KIFC1: variants seen among roughly 807,000 people sequenced by gnomAD.
KIFC1 encodes kinesin family member C1.
In KIFC1, 37 loss-of-function variants were observed where a neutral mutation model predicts 66.6. The ratio of observed to expected loss-of-function variants is 0.56; its 90% CI spans 0.43 to 0.73. The LOEUF (loss-of-function observed/expected upper bound fraction) is 0.73, where lower values mean the gene tolerates loss of function less well. Among genes scored for constraint, KIFC1 ranks in the 30% least tolerant of loss-of-function variants. The probability of loss-of-function intolerance (pLI) is 0.00; values close to 1 mark genes in which losing one functional copy is unlikely to be tolerated. For synonymous variants in KIFC1, 325 were observed against 343.5 expected (o/e 0.95, Z 0.60); for missense variants, 721 against 859.8 (o/e 0.84, Z 2.02).
At chr6:33,399,977 A>G in intron 3 of KIFC1, 2 of 584,766 alleles carry the variant, frequency 3.4e-6, no homozygotes. Flanking sequence ...GCCAAGGCTG[A>G]TGTAACATTT....
At position 33,405,918 on chromosome 6, in the gene KIFC1, A is replaced by G. The variant is rs1775625650; in HGVS notation, c.1537-278A>G. On this transcript the variant is annotated intron_variant, in intron 7 of 10. Coordinates refer to ENST00000428849, the MANE Select transcript of KIFC1 (RefSeq NM_002263.4). This position sits in a 1 kb window ranked among gnomAD's most constrained non-coding sequence, Gnocchi z 5.4. ...CATGCTGGCCTCCTGGCTGTTCCTCAACCAGCTAGTCGTGCTCCCCATCTC... is the reference window on the plus strand; with the variant it reads ...CATGCTGGCCTCCTGGCTGTTCCTCGACCAGCTAGTCGTGCTCCCCATCTC... Among the ~76,000 whole-genome samples the G allele has an allele frequency of 2.0e-5, 3 of 152,016 alleles. No homozygotes were observed. In the South Asian group the frequency reaches 6.2e-4, roughly 32 times the overall value.
rs1775663690 is a variant in KIFC1, at chr6:33,406,503, G to A, written c.1827+17G>A. 1 of 1,604,710 alleles carries A rather than the reference G, an allele frequency of 6.2e-7. No homozygotes were observed. Among genetic ancestry groups the A allele is most frequent in the South Asian group, 1.1e-5 (1 of 89,710 alleles). On this transcript the variant is annotated intron_variant, in intron 8 of 10. Transcript: ENST00000428849. This position sits in a 1 kb window ranked among gnomAD's most constrained non-coding sequence, Gnocchi z 4.5. ...AGCAACAAGGTGGGAATGGGAGTGG[G>A]GTGAGATACGGGACCTGGGGGACAG...
Position 33,393,196 on chromosome 6 carries a change from G to A in KIFC1, c.12+1199G>A, listed in dbSNP as rs140671946. Among the ~76,000 whole-genome samples the A allele has an allele frequency of 1.5e-3, 234 of 152,224 alleles. 5 individuals are homozygous for A. The East Asian group carries it at 0.043, about 28-fold the overall frequency. On this transcript the variant is annotated intron_variant, in intron 1 of 10. Transcript: ENST00000428849. Reference sequence around the variant, plus strand: ...TTTCAGGCAGAGGGAATCTGCTAGAGCAGAGTCCCTAAAGAGTTGTAAGGA... The same window carrying A: ...TTTCAGGCAGAGGGAATCTGCTAGAACAGAGTCCCTAAAGAGTTGTAAGGA...
Position 33,403,329 on chromosome 6 carries a change from A to G in KIFC1, c.266A>G (p.Lys89Arg). ...QGQTTAQKVSKKTGPRCSTAI... is the reference protein window; with the variant it reads ...QGQTTAQKVSRKTGPRCSTAI... ...TCCTGGGCAGCTCAAAAAGTTTCCA[A>G]GAAGACAGGACCCCGGTGTTCCACA... The change falls in exon 4 of 11, where the codon AAG becomes AGG. Residue 89 changes from lysine to arginine, a missense_variant. By Grantham distance (26) the Lys-to-Arg change is conservative. Transcript: ENST00000428849. The surrounding 1 kb of genome is among the most constrained non-coding windows in gnomAD (Gnocchi z 4.6). The G allele has an allele frequency of 6.2e-7, 1 of 1,613,638 alleles. No homozygotes were observed. Among genetic ancestry groups the G allele is most frequent in the Non-Finnish European group, 8.5e-7 (1 of 1,180,010 alleles).
At position 33,405,199 on chromosome 6, in the gene KIFC1, T is replaced by G. The variant is rs903150738; in HGVS notation, c.1104T>G (p.Thr368=). Residue 368 remains threonine, a synonymous_variant, in exon 7 of 11, where the codon ACT becomes ACG. Transcript: ENST00000428849. The surrounding 1 kb of genome is among the most constrained non-coding windows in gnomAD (Gnocchi z 5.4). The part of the protein sequence containing the change: ...GTLSGAPAPP[T]RHDFSFDRVF... ...TGAGTGGGGCACCAGCTCCCCCAAC[T>G]CGCCATGATTTTTCCTTTGACCGGG... The G allele has an allele frequency of 4.3e-6, 7 of 1,614,158 alleles. No homozygotes were observed. The highest frequency in any genetic ancestry group is 5.9e-6 in the Non-Finnish European group (7 of 1,180,030).
chr6:33,406,853 A>C lies in KIFC1; in HGVS notation c.1955A>C (p.Asn652Thr). ...GAAGAGAACGTCTCCGAGTCCCTCA[A>C]CTCTCTACGCTTTGCCTCCAAGGTG... ...PLEENVSESL[N>T]SLRFASKVNQ... Residue 652 changes from asparagine to threonine, a missense_variant, in exon 10 of 11, where the codon AAC becomes ACC. By Grantham distance (65) the Asn-to-Thr change is moderately conservative. Transcript: ENST00000428849. The surrounding 1 kb of genome is among the most constrained non-coding windows in gnomAD (Gnocchi z 4.5). 1 of 1,613,620 alleles carries C rather than the reference A, an allele frequency of 6.2e-7. No homozygotes were observed.
intron 10 of KIFC1, among the ~76,000 whole-genome samples, chr6:33,408,026 CCTCA>C (rs1282253282): frequency 1.3e-5 from 2 of 152,170 alleles, no homozygotes; most frequent in African/African-American, 2.4e-5. Flanking sequence ...TGAGGGTTTC[CCTCA>C]CTATCTTGCA....
chr6:33,408,321 A>G (rs764012550), intron 10 of KIFC1, among the ~76,000 whole-genome samples: 1 of 152,180 alleles, frequency 6.6e-6, no homozygotes. Context: ...AGAATATACT[A>G]TTCTGGATTT....
At chr6:33,395,185 C>T (rs540189317) in intron 1 of KIFC1, among the ~76,000 whole-genome samples, 1 of 152,178 alleles carries the variant, frequency 6.6e-6, no homozygotes, top group Non-Finnish European at 1.5e-5. Flanking sequence ...ACGATGAATA[C>T]ACTAGAGGTA....
At chr6:33,393,697 C>T (rs574565281) in intron 1 of KIFC1, among the ~76,000 whole-genome samples, 137 of 151,274 alleles carry the variant, frequency 9.1e-4, no homozygotes, top group Non-Finnish European at 1.3e-3. Flanking sequence ...TCGCCTGCCT[C>T]GGCCTCCGAG....
In KIFC1 at chr6:33,400,915, G is replaced by A. The variant is rs960139453; in HGVS notation, c.251-2399G>A. ...GATCTGCCTGCCTCAGCTTCCCAAAGTGTTGGGATTACAGGCGTGAGCCAC... is the reference window on the plus strand; with the variant it reads ...GATCTGCCTGCCTCAGCTTCCCAAAATGTTGGGATTACAGGCGTGAGCCAC... On this transcript the variant is annotated intron_variant, in intron 3 of 10. Coordinates refer to ENST00000428849, the MANE Select transcript of KIFC1 (RefSeq NM_002263.4). The surrounding 1 kb of genome is among the most constrained non-coding windows in gnomAD (Gnocchi z 4.3). 2.0e-5 allele frequency among the ~76,000 whole-genome samples: 3 copies of A among 152,176 alleles called. No homozygotes were observed. Among genetic ancestry groups the A allele is most frequent in the African/African-American group, 7.2e-5 (3 of 41,432 alleles).
chr6:33,409,758 T>C lies in KIFC1; in HGVS notation c.*68T>C. 1 of 1,454,820 alleles carries C rather than the reference T, an allele frequency of 6.9e-7. No homozygotes were observed. The highest frequency in any genetic ancestry group is 9.5e-7 in the Non-Finnish European group (1 of 1,054,064). 90.1% of individuals were successfully genotyped at this position (1,454,820 alleles called of 1,614,324 possible). ...GTGTGTGTGTGTGTGTGTGTGTCCC[T>C]ATGTCTATGTATCGGGTGAGGGGTG... On this transcript the variant is annotated 3_prime_UTR_variant, in exon 11 of 11. Coordinates refer to ENST00000428849, the MANE Select transcript of KIFC1 (RefSeq NM_002263.4).
chr6:33,398,211 G>A (rs770298164), intron 2 of KIFC1, 45 bp downstream of exon 2: 12 of 1,613,874 alleles, frequency 7.4e-6, no homozygotes, highest in African/African-American at 2.7e-5. Flanking sequence ...GGGGGTGTGT[G>A]TGTGTGAAAG....
intron 1 of KIFC1, among the ~76,000 whole-genome samples, chr6:33,396,496 A>T (rs190367797): frequency 4.8e-4 from 58 of 120,106 alleles, no homozygotes; most frequent in Non-Finnish European, 7.3e-4. Flanking sequence ...GGAGTGCTGG[A>T]GTGCAGTGGC....
In KIFC1 at chr6:33,406,910, G is replaced by C. The variant is rs199728061; in HGVS notation, c.1977+35G>C. 2 of 1,613,374 alleles carry C rather than the reference G, an allele frequency of 1.2e-6. No individual in the cohort carries two copies. Among genetic ancestry groups the C allele is most frequent in the Middle Eastern group, 3.3e-4 (2 of 6,054 alleles). ...CCACCCGTCAGCCTTGTCAGGACCC[G>C]TGGGTGGTTGTAGGCTTCTCCATTC... is the stretch of plus-strand genomic sequence containing the variant. On this transcript the variant is annotated intron_variant, in intron 10 of 10. Transcript: ENST00000428849. The surrounding 1 kb of genome is among the most constrained non-coding windows in gnomAD (Gnocchi z 4.5).
upstream of KIFC1, chr6:33,391,688 A>G: frequency 1.7e-6 from 1 of 581,752 alleles, no homozygotes; most frequent in Non-Finnish European, 3.1e-6. Flanking sequence ...CGCCTGCGAA[A>G]CAGAAAAGAC....
chr6:33,407,832 C>T (rs772736311), intron 10 of KIFC1, among the ~76,000 whole-genome samples: 1 of 152,210 alleles, frequency 6.6e-6, no homozygotes, highest in Non-Finnish European at 1.5e-5. Flanking sequence ...TACTGTCTGC[C>T]TCCACAGTAA....
At chr6:33,392,620 T>G (rs988203091) in intron 1 of KIFC1, among the ~76,000 whole-genome samples, 6 of 152,286 alleles carry the variant, frequency 3.9e-5, no homozygotes, top group Non-Finnish European at 7.4e-5. Flanking sequence ...CAGCTTCCTG[T>G]CTCCAGTGAA....
At position 33,404,669 on chromosome 6, in the gene KIFC1, A is replaced by G. The variant is rs944400020; in HGVS notation, c.757-183A>G. Among the ~76,000 whole-genome samples the G allele has an allele frequency of 2.6e-5, 4 of 152,024 alleles. No homozygotes were observed. The highest frequency in any genetic ancestry group is 9.7e-5 in the African/African-American group (4 of 41,390). ...CTTGTGCTCCTCTTTGTGCTTGGAC[A>G]TACCCATAGCACTCCCTGTCTTAGT... is the stretch of plus-strand genomic sequence containing the variant. On this transcript the variant is annotated intron_variant, in intron 6 of 10. Transcript: ENST00000428849. This position sits in a 1 kb window ranked among gnomAD's most constrained non-coding sequence, Gnocchi z 4.0.
Sources: allele counts gnomAD v4.1 joint callset (sites outside exome capture counted in the v4.1 genomes callset), GRCh38; gene constraint gnomAD v4.1.1; non-coding constraint Gnocchi (gnomAD v3.1); transcripts MANE v1.5; gene names NCBI Gene and HGNC (gene_info 2026-07-23, HGNC 2026-07-21).